JPT1: variants seen among roughly 807,000 people sequenced by gnomAD.
The protein encoded by JPT1 is Jupiter microtubule associated homolog 1, also known as androgen-regulated protein 2.
A neutral mutation model predicts 17.0 loss-of-function variants in JPT1; 5 were observed. The observed-to-expected ratio is 0.29, with a 90% CI of 0.15 to 0.62. The LOEUF (loss-of-function observed/expected upper bound fraction) is 0.62, where lower values mean the gene tolerates loss of function less well. JPT1 is among the 20% of genes least tolerant of loss of function. JPT1 has a pLI of 0.85. For synonymous variants in JPT1, 71 were observed against 73.6 expected, an observed-to-expected ratio of 0.96 and a Z score of 0.18; for missense variants, 158 against 188.1, an observed-to-expected ratio of 0.84 and a Z score of 0.94.
chr17:75,140,342 C>G (rs1206490287), intron 4 of JPT1, among the ~76,000 whole-genome samples: 1 of 151,984 alleles, frequency 6.6e-6, no homozygotes, highest in Non-Finnish European at 1.5e-5. Flanking sequence ...CACTCCTGGT[C>G]TCTTTTCTTT....
intron 4 of JPT1, 97 bp downstream of exon 4, chr17:75,146,569 C>A (rs2074439298): frequency 1.6e-5 from 15 of 925,550 alleles, no homozygotes; most frequent in Non-Finnish European, 1.8e-5. Flanking sequence ...AGGTTTCACT[C>A]CCCAGTCTCT....
rs2074534381 is a variant in JPT1, at chr17:75,150,808, T to G, written c.57-2137A>C. On this transcript the variant is annotated intron_variant, in intron 1 of 4. Coordinates refer to ENST00000409753, the MANE Select transcript of JPT1 (RefSeq NM_016185.4). ...GGTGATATGAGTGGTCTGGTTTTGT[T>G]TCTTCATAAGGCAGTTTGAATAAGC... Among the ~76,000 whole-genome samples, 2 of 152,078 alleles carry G rather than the reference T, an allele frequency of 1.3e-5. 1 individual carries two copies. The highest frequency in any genetic ancestry group is 4.1e-4 in the South Asian group (2 of 4,824).
intron 4 of JPT1, among the ~76,000 whole-genome samples, chr17:75,143,852 G>A (rs1315513886): frequency 6.6e-6 from 1 of 151,686 alleles, no homozygotes; most frequent in East Asian, 1.9e-4. Context: ...AAAAAAAAGA[G>A]CGAATCTCCA....
At chr17:75,147,463 G>A in intron 3 of JPT1, 93 bp downstream of exon 3, 1 of 853,952 alleles carries the variant, frequency 1.2e-6, no homozygotes, top group Non-Finnish European at 2.0e-6. Flanking sequence ...CTACCTCAAT[G>A]TAAAATTCCA....
At position 75,139,227 on chromosome 17, in the gene JPT1, T is replaced by C. The variant is rs370956545; in HGVS notation, c.317-2977A>G. On this transcript the variant is annotated intron_variant, in intron 4 of 4. Coordinates refer to ENST00000409753, the MANE Select transcript of JPT1 (RefSeq NM_016185.4). ...GTTCAAGCAGTTTCATTTCTGCTGG[T>C]GGGACATGGCCTCCTGCTATACATA... Among the ~76,000 whole-genome samples the C allele has an allele frequency of 3.9e-4, 60 of 152,344 alleles. No homozygotes were observed. In the South Asian group the frequency reaches 0.011, roughly 28 times the overall value.
In JPT1 at chr17:75,154,485, G is replaced by T. The variant is rs552738600; in HGVS notation, c.-88C>A. On this transcript the variant is annotated 5_prime_UTR_variant, in exon 1 of 5. It adds an upstream start codon to the 5' untranslated region. Coordinates refer to ENST00000409753, the MANE Select transcript of JPT1 (RefSeq NM_016185.4). ...GCGCTGGGAAACTCCACACCCAACAGCCGACCACCGCTGCAGGAGCCGCCG... is the reference window on the plus strand; with the variant it reads ...GCGCTGGGAAACTCCACACCCAACATCCGACCACCGCTGCAGGAGCCGCCG... 3.2e-6 allele frequency: 4 copies of T among 1,258,436 alleles called. No individual in the cohort carries two copies. Among genetic ancestry groups the T allele is most frequent in the Non-Finnish European group, 4.4e-6 (4 of 909,140 alleles). 78.0% of individuals were successfully genotyped at this position (1,258,436 alleles called of 1,614,324 possible).
intron 1 of JPT1, among the ~76,000 whole-genome samples, chr17:75,151,344 AATG>A (rs1205946600): frequency 2.0e-5 from 3 of 148,752 alleles, no homozygotes; most frequent in Non-Finnish European, 3.0e-5. Context: ...TCAAAATAAT[AATG>A]ATAATAATAA....
chr17:75,150,867 T>A (rs1372019930), intron 1 of JPT1, among the ~76,000 whole-genome samples: 1 of 139,514 alleles, frequency 7.2e-6, no homozygotes, highest in Admixed American at 7.2e-5. Context: ...TTTTTTTTTT[T>A]TTTTGAGACA....
At chr17:75,140,412 G>GT (rs1422971874) in intron 4 of JPT1, among the ~76,000 whole-genome samples, 1 of 152,068 alleles carries the variant, frequency 6.6e-6, no homozygotes, top group Non-Finnish European at 1.5e-5. Flanking sequence ...ATGATTCATT[G>GT]TAAGCATCAA....
At chr17:75,152,434 G>A (rs1380855928) in intron 1 of JPT1, among the ~76,000 whole-genome samples, 1 of 152,078 alleles carries the variant, frequency 6.6e-6, no homozygotes, top group Non-Finnish European at 1.5e-5. Context: ...AAGTTTATGA[G>A]AATTAGGTGA....
intron 3 of JPT1, among the ~76,000 whole-genome samples, chr17:75,147,312 C>T (rs1235449576): frequency 2.6e-5 from 4 of 152,130 alleles, no homozygotes; most frequent in Non-Finnish European, 2.9e-5. Context: ...GAAAGATCCA[C>T]AAGTTCCAAA....
chr17:75,154,381 G>A lies in JPT1; in HGVS notation c.17C>T (p.Thr6Ile), dbSNP rs1373895219. Residue 6 changes from threonine to isoleucine, a missense_variant, in exon 1 of 5, where the codon ACC becomes ATC. By Grantham distance (89) the Thr-to-Ile change is moderately conservative. Coordinates refer to ENST00000409753, the MANE Select transcript of JPT1 (RefSeq NM_016185.4). ...GCTGTTGGGGTCGACTCCCTTGAAG[G>A]TGGTGGTTGTGGTCATGGCGCCGAG... Reference protein sequence around the residue: MTTTTTFKGVDPNSRN... With the variant: MTTTTIFKGVDPNSRN... The A allele has an allele frequency of 3.2e-6, 5 of 1,549,064 alleles. No individual in the cohort carries two copies. Among genetic ancestry groups the A allele is most frequent in the Non-Finnish European group, 4.4e-6 (5 of 1,146,128 alleles).
At chr17:75,147,379 G>A in intron 3 of JPT1, 177 bp downstream of exon 3, 1 of 560,802 alleles carries the variant, frequency 1.8e-6, no homozygotes, top group Non-Finnish European at 3.2e-6. Context: ...GAAACAGACT[G>A]AGACCATGTT....
At chr17:75,140,137 T>TGATCTC (rs1445629024) in intron 4 of JPT1, among the ~76,000 whole-genome samples, 1 of 152,028 alleles carries the variant, frequency 6.6e-6, no homozygotes, top group Non-Finnish European at 1.5e-5. Context: ...AGGATGGTCT[T>TGATCTC]GATCTCTTGA....
Position 75,154,325 on chromosome 17 carries a change from C to A in JPT1, c.56+17G>T. 6.5e-7 allele frequency: 1 copy of A among 1,539,898 alleles called. No homozygotes were observed. Among genetic ancestry groups the A allele is most frequent in the Non-Finnish European group, 8.7e-7 (1 of 1,143,234 alleles). ...CCCTCAGCCCCGCGCGGCTCGGGCGCGACCCGGTCGCCTCACCGGGAGCTA... is the reference window on the plus strand; with the variant it reads ...CCCTCAGCCCCGCGCGGCTCGGGCGAGACCCGGTCGCCTCACCGGGAGCTA... On this transcript the variant is annotated intron_variant, in intron 1 of 4. Transcript: ENST00000409753.
intron 4 of JPT1, among the ~76,000 whole-genome samples, chr17:75,140,718 T>A (rs1320083418): frequency 1.3e-5 from 2 of 152,100 alleles, no homozygotes; most frequent in African/African-American, 4.8e-5. Context: ...ATCCCAGAAT[T>A]TTGGGAGGCC....
Position 75,135,961 on chromosome 17 carries a change from A to C in JPT1, c.*141T>G, listed in dbSNP as rs753263438. 5.1e-6 allele frequency: 8 copies of C among 1,562,228 alleles called. No homozygotes were observed. In the East Asian group the frequency reaches 1.8e-4, roughly 35 times the overall value. ...GGACAGAGAGAAACCTGTTCTTCAA[A>C]AGAAAAAAAAAAAAGACAGCAGTAC... On this transcript the variant is annotated 3_prime_UTR_variant, in exon 5 of 5. Transcript: ENST00000409753.
In JPT1 at chr17:75,148,565, G is replaced by T; in HGVS notation, c.163C>A (p.Pro55Thr). Residue 55 changes from proline to threonine, a missense_variant, in exon 2 of 5, where the codon CCT (proline) becomes ACT (threonine). Transcript: ENST00000409753. ...GCCCAAGAAGCTTGATTTTCTTCAG[G>T]TGTCCCAAAGATATTAGAGGCCATT... ...NKMASNIFGT[P>T]EENQASWAKS... 1 of 1,614,086 alleles carries T rather than the reference G, an allele frequency of 6.2e-7. No homozygotes were observed. The highest frequency in any genetic ancestry group is 8.5e-7 in the Non-Finnish European group (1 of 1,180,030).
At position 75,148,547 on chromosome 17, in the gene JPT1, A is replaced by C. The variant is rs1317340013; in HGVS notation, c.181T>G (p.Ser61Ala). 4.3e-6 allele frequency: 7 copies of C among 1,614,048 alleles called. No homozygotes were observed. The African/African-American group carries it at 5.3e-5, about 12-fold the overall frequency. ...IFGTPEENQASWAKSAGAKSS... is the reference protein window; with the variant it reads ...IFGTPEENQAAWAKSAGAKSS... ...AGAGTACCTGCTGACTTGGCCCAAG[A>C]AGCTTGATTTTCTTCAGGTGTCCCA... Residue 61 changes from serine (S) to alanine (A), a missense_variant, in exon 2 of 5, where the codon TCT (serine) becomes GCT (alanine). Physicochemically the swap from Ser to Ala is moderately conservative, Grantham distance 99. Coordinates refer to ENST00000409753, the MANE Select transcript of JPT1 (RefSeq NM_016185.4).
Sources: allele counts gnomAD v4.1 joint callset (sites outside exome capture counted in the v4.1 genomes callset), GRCh38; gene constraint gnomAD v4.1.1; transcripts MANE v1.5; gene names NCBI Gene and HGNC (gene_info 2026-07-23, HGNC 2026-07-21).